Variants in DUSP7 observed in about 807,000 individuals in gnomAD.
DUSP7 encodes dual specificity phosphatase 7.
Under a neutral mutation model 29.8 loss-of-function variants are expected in DUSP7, and 7 were observed. The observed-to-expected ratio is 0.24, with a 90% CI of 0.13 to 0.44. The LOEUF is 0.44. Ranked by LOEUF, DUSP7 falls within the 20% of genes least tolerant of loss-of-function variation. The pLI is 1.00. For missense variants in DUSP7, 400 were observed against 583.7 expected (o/e 0.69, Z 3.24); for synonymous variants, 287 against 275.4 (o/e 1.04, Z -0.42).
rs937176242 is a variant in DUSP7, at chr3:52,050,957, T to A, written c.1118A>T (p.Asn373Ile). 6.2e-7 allele frequency: 1 copy of A among 1,614,256 alleles called. No individual in the cohort carries two copies. Among genetic ancestry groups the A allele is most frequent in the Non-Finnish European group, 8.5e-7 (1 of 1,180,046 alleles). Reference protein sequence around the residue: ...RKKSNISPNFNFMGQLLDFER... With the variant: ...RKKSNISPNFIFMGQLLDFER... ...AAAGTCCAGCAGCTGCCCCATGAAG[T>A]TGAAGTTGGGCGAGATGTTGGACTT... The change falls in exon 3 of 3, where the codon AAC becomes ATC. Residue 373 changes from asparagine (N) to isoleucine (I), a missense_variant. Around this residue, in one of 4 missense-constraint regions of DUSP7, gnomAD observed 75 missense variants for 95.0 expected, o/e 0.79. Coordinates refer to ENST00000495880, the MANE Select transcript of DUSP7 (RefSeq NM_001947.4). This position sits in a 1 kb window ranked among gnomAD's most constrained non-coding sequence, Gnocchi z 5.0.
chr3:52,054,224 C>A lies in DUSP7; in HGVS notation c.668G>T (p.Arg223Leu). Residue 223 changes from arginine (R) to leucine (L), a missense_variant, in exon 2 of 3, where the codon CGA becomes CTA. Around this residue, in one of 4 missense-constraint regions of DUSP7, gnomAD observed 223 missense variants for 360.9 expected, o/e 0.62. Coordinates refer to ENST00000495880, the MANE Select transcript of DUSP7 (RefSeq NM_001947.4). The surrounding 1 kb of genome is among the most constrained non-coding windows in gnomAD (Gnocchi z 4.1). ...CTCGGTGGCACTGCTGGGCAGCTCTCGGTCCGACTCGCCGTCGGAGCAGTC... is the reference window on the plus strand; with the variant it reads ...CTCGGTGGCACTGCTGGGCAGCTCTAGGTCCGACTCGCCGTCGGAGCAGTC... ...SSDCSDGESD[R>L]ELPSSATESD... The A allele has an allele frequency of 1.9e-6, 3 of 1,610,516 alleles. No individual in the cohort carries two copies. The highest frequency in any genetic ancestry group is 1.7e-6 in the Non-Finnish European group (2 of 1,177,506).
At position 52,049,760 on chromosome 3, in the gene DUSP7, GAGAA is replaced by G. The variant is rs2106889598; in HGVS notation, c.*1051_*1054del. 6.6e-6 allele frequency: 1 copy of G among 152,268 alleles called. No homozygotes were observed. The highest frequency in any genetic ancestry group is 2.1e-4 in the South Asian group (1 of 4,826). 9.4% of individuals were successfully genotyped at this position (152,268 alleles called of 1,614,324 possible). On this transcript the variant is annotated 3_prime_UTR_variant, in exon 3 of 3. Coordinates refer to ENST00000495880, the MANE Select transcript of DUSP7 (RefSeq NM_001947.4). ...AAAGAAAGAGAGAGAGAGGGAGAGAGAGAAAGAGAGAGAGGGAGAGGAAGAGAGA... is the reference window on the plus strand; with the variant it reads ...AAAGAAAGAGAGAGAGAGGGAGAGAGAGAGAGAGAGGGAGAGGAAGAGAGA...
At position 52,051,326 on chromosome 3, in the gene DUSP7, C is replaced by T. The variant is rs116223054; in HGVS notation, c.953-204G>A. ...GCACTGCTGTGGAGAGGGCTCTGCA[C>T]ACTTTAGCCCCAAGGCACTGGACAC... On this transcript the variant is annotated intron_variant, in intron 2 of 2. Transcript: ENST00000495880. This position sits in a 1 kb window ranked among gnomAD's most constrained non-coding sequence, Gnocchi z 4.8. 1.3e-5 allele frequency among the ~76,000 whole-genome samples: 2 copies of T among 152,358 alleles called. No individual in the cohort carries two copies. Among genetic ancestry groups the T allele is most frequent in the Admixed American group, 6.5e-5 (1 of 15,306 alleles).
intron 1 of DUSP7, 119 bp downstream of exon 1, chr3:52,055,731 G>C: frequency 7.8e-7 from 1 of 1,274,518 alleles, no homozygotes; most frequent in Non-Finnish European, 1.0e-6. Context: ...GCGGGCCGGG[G>C]ACGACGTGGC....
At position 52,050,859 on chromosome 3, in the gene DUSP7, T is replaced by C. The variant is rs1323243494; in HGVS notation, c.1216A>G (p.Thr406Ala). ...TTGAGTGGGAACAGGTTGTGGTTGGTGGGCGTGGAAAAGTAGAGCTGCTCA... is the reference window on the plus strand; with the variant it reads ...TTGAGTGGGAACAGGTTGTGGTTGGCGGGCGTGGAAAAGTAGAGCTGCTCA... ...SSEQLYFSTP[T>A]NHNLFPLNTL... Residue 406 changes from threonine (T) to alanine (A), a missense_variant, in exon 3 of 3, where the codon ACC becomes GCC. Physicochemically the swap from Thr to Ala is moderately conservative, Grantham distance 58. Around this residue, in one of 4 missense-constraint regions of DUSP7, gnomAD observed 75 missense variants for 95.0 expected, o/e 0.79. Transcript: ENST00000495880. The surrounding 1 kb of genome is among the most constrained non-coding windows in gnomAD (Gnocchi z 5.0). 6.2e-7 allele frequency: 1 copy of C among 1,614,000 alleles called. No homozygotes were observed. The highest frequency in any genetic ancestry group is 2.2e-5 in the East Asian group (1 of 44,880).
In DUSP7 at chr3:52,056,475, G is replaced by A. The variant is rs1215290790; in HGVS notation, c.-109C>T. On this transcript the variant is annotated 5_prime_UTR_variant, in exon 1 of 3. Coordinates refer to ENST00000495880, the MANE Select transcript of DUSP7 (RefSeq NM_001947.4). This position sits in a 1 kb window ranked among gnomAD's most constrained non-coding sequence, Gnocchi z 6.4. ...CCGGGCGCCCGCCTCCCGCCGAGCT[G>A]CGCGCCCGCCGCCCCGGCCTCCCGG... 1.9e-6 allele frequency: 1 copy of A among 515,504 alleles called. No homozygotes were observed. Among genetic ancestry groups the A allele is most frequent in the Non-Finnish European group, 2.5e-6 (1 of 403,302 alleles). The allele number at this position is 515,504 out of a possible 1,614,324, so 31.9% of individuals were successfully genotyped here. A position where few individuals can be genotyped will look rare whatever the true frequency, so the allele number is the denominator to read the frequency against.
chr3:52,053,434 T>C lies in DUSP7; in HGVS notation c.952+506A>G, dbSNP rs1701865327. 5.3e-6 allele frequency: 1 copy of C among 189,710 alleles called. No homozygotes were observed. The highest frequency in any genetic ancestry group is 1.1e-5 in the Non-Finnish European group (1 of 89,738). The allele number at this position is 189,710 out of a possible 1,614,324, so 11.8% of individuals were successfully genotyped here. On this transcript the variant is annotated intron_variant, in intron 2 of 2. Transcript: ENST00000495880. This position sits in a 1 kb window ranked among gnomAD's most constrained non-coding sequence, Gnocchi z 4.6. ...CTGCAGAGAGCATCTGGAGGCTGAC[T>C]GAGCTAGCAGTCACCACATTTCAAT...
chr3:52,052,996 C>T lies in DUSP7; in HGVS notation c.952+944G>A, dbSNP rs190682742. On this transcript the variant is annotated intron_variant, in intron 2 of 2. Coordinates refer to ENST00000495880, the MANE Select transcript of DUSP7 (RefSeq NM_001947.4). ...TTTGGTTCCCAGTAAGCGGATGAGGCGGGGAAGCCTCCCACTTCCTGTTGT... is the reference window on the plus strand; with the variant it reads ...TTTGGTTCCCAGTAAGCGGATGAGGTGGGGAAGCCTCCCACTTCCTGTTGT... The T allele has an allele frequency of 6.9e-3, 1,047 of 152,624 alleles. 7 individuals carry two copies. The highest frequency in any genetic ancestry group is 0.01 in the Non-Finnish European group (693 of 68,190). The allele number at this position is 152,624 out of a possible 1,614,324, so 9.5% of individuals were successfully genotyped here.
In DUSP7 at chr3:52,054,635, G is replaced by A. The variant is rs4687607; in HGVS notation, c.518-261C>T. 0.25 allele frequency among the ~76,000 whole-genome samples: 38,315 copies of A among 152,034 alleles called. 5,954 individuals carry two copies. Among genetic ancestry groups the A allele is most frequent in the East Asian group, 0.46 (2,355 of 5,170 alleles). ...TCCAAACTGGTACCCATAACACTTCGGGGCCCCCAGCCATGGCACCAGCTT... is the reference window on the plus strand; with the variant it reads ...TCCAAACTGGTACCCATAACACTTCAGGGCCCCCAGCCATGGCACCAGCTT... On this transcript the variant is annotated intron_variant, in intron 1 of 2. Transcript: ENST00000495880. The surrounding 1 kb of genome is among the most constrained non-coding windows in gnomAD (Gnocchi z 4.1).
rs1184812749 is a variant in DUSP7, at chr3:52,056,193, C to T, written c.174G>A (p.Glu58=). 6.4e-7 allele frequency: 1 copy of T among 1,562,536 alleles called. No individual in the cohort carries two copies. The highest frequency in any genetic ancestry group is 8.6e-7 in the Non-Finnish European group (1 of 1,161,436). ...GAGAMPCKSA[E]WLQEELEARG... is the part of the protein sequence containing the mutation. ...GCGCCTCCAGCTCCTCCTGCAGCCA[C>T]TCGGCGCTCTTGCAGGGCATGGCCC... Residue 58 remains glutamate (E), a synonymous_variant, in exon 1 of 3, where the codon GAG becomes GAA. Transcript: ENST00000495880. This position sits in a 1 kb window ranked among gnomAD's most constrained non-coding sequence, Gnocchi z 6.4.
rs777509635 is a variant in DUSP7, at chr3:52,053,848, C to T, written c.952+92G>A. ...TAGGGCACACACAGGTCTCAACAGG[C>T]CCAGAGGTACCCAGTCAGGCGGGGG... On this transcript the variant is annotated intron_variant, in intron 2 of 2. Transcript: ENST00000495880. This position sits in a 1 kb window ranked among gnomAD's most constrained non-coding sequence, Gnocchi z 4.6. 2.2e-5 allele frequency: 31 copies of T among 1,435,694 alleles called. 1 individual carries two copies. The East Asian group carries it at 6.5e-4, about 30-fold the overall frequency. The allele number at this position is 1,435,694 out of a possible 1,614,324, so 88.9% of individuals were successfully genotyped here.
rs1398629875 is a variant in DUSP7, at chr3:52,054,800, A to C, written c.518-426T>G. ...CTTAGCCAGCACCTCTGGGTTGGCAAACTCCTCTTATAGATGAGACCACAG... is the reference window on the plus strand; with the variant it reads ...CTTAGCCAGCACCTCTGGGTTGGCACACTCCTCTTATAGATGAGACCACAG... On this transcript the variant is annotated intron_variant, in intron 1 of 2. Transcript: ENST00000495880. This position sits in a 1 kb window ranked among gnomAD's most constrained non-coding sequence, Gnocchi z 4.1. 6.6e-6 allele frequency among the ~76,000 whole-genome samples: 1 copy of C among 152,240 alleles called. No homozygotes were observed. The highest frequency in any genetic ancestry group is 1.5e-5 in the Non-Finnish European group (1 of 68,032).
At position 52,049,306 on chromosome 3, in the gene DUSP7, C is replaced by G. The variant is rs1423037172; in HGVS notation, c.*1509G>C. 6.6e-6 allele frequency: 1 copy of G among 152,262 alleles called. No individual in the cohort carries two copies. Among genetic ancestry groups the G allele is most frequent in the African/African-American group, 2.4e-5 (1 of 41,446 alleles). The allele number at this position is 152,262 out of a possible 1,614,324, so 9.4% of individuals were successfully genotyped here. A position where few individuals can be genotyped will look rare whatever the true frequency, so the allele number is the denominator to read the frequency against. Reference sequence around the variant, plus strand: ...TGCTGAGTGCTGCTCCGTCAGGGACCCTGGCCTGACTCCTCTGCCTGCCCC... The same window carrying G: ...TGCTGAGTGCTGCTCCGTCAGGGACGCTGGCCTGACTCCTCTGCCTGCCCC... On this transcript the variant is annotated 3_prime_UTR_variant, in exon 3 of 3. Coordinates refer to ENST00000495880, the MANE Select transcript of DUSP7 (RefSeq NM_001947.4).
Position 52,051,397 on chromosome 3 carries a change from T to C in DUSP7, c.953-275A>G, listed in dbSNP as rs1371447835. ...ATAAAATGGGCCTATTTATGCACAG[T>C]GGTCTCATAAGGACCTGAGCCAAGT... On this transcript the variant is annotated intron_variant, in intron 2 of 2. Coordinates refer to ENST00000495880, the MANE Select transcript of DUSP7 (RefSeq NM_001947.4). This position sits in a 1 kb window ranked among gnomAD's most constrained non-coding sequence, Gnocchi z 4.8. Among the ~76,000 whole-genome samples the C allele has an allele frequency of 6.6e-6, 1 of 152,204 alleles. No individual in the cohort carries two copies. Among genetic ancestry groups the C allele is most frequent in the Non-Finnish European group, 1.5e-5 (1 of 68,030 alleles).
rs553815117 is a variant in DUSP7 at position 52,056,274 on chromosome 3, G to T, written c.93C>A (p.Pro31=). 4 of 1,266,982 alleles carry T rather than the reference G, an allele frequency of 3.2e-6. No individual in the cohort carries two copies. The African/African-American group carries it at 6.3e-5, about 20-fold the overall frequency. 78.5% of individuals were successfully genotyped at this position (1,266,982 alleles called of 1,614,324 possible). ...CTGCGCCGGACCCCGACCCCGCACCGGGCTCGGACCCCGCCCGGGTGCCCC... is the reference window on the plus strand; with the variant it reads ...CTGCGCCGGACCCCGACCCCGCACCTGGCTCGGACCCCGCCCGGGTGCCCC... ...AAGGTRAGSE[P]GAGSGSGAGT... The change falls in exon 1 of 3, where the codon CCC becomes CCA. Residue 31 remains proline (P), a synonymous_variant. Transcript: ENST00000495880. This position sits in a 1 kb window ranked among gnomAD's most constrained non-coding sequence, Gnocchi z 6.4.
chr3:52,050,860 G>T lies in DUSP7; in HGVS notation c.1215C>A (p.Pro405=). 3 of 1,614,104 alleles carry T rather than the reference G, an allele frequency of 1.9e-6. No homozygotes were observed. In the South Asian group the frequency reaches 3.3e-5, roughly 18 times the overall value. The change falls in exon 3 of 3, where the codon CCC becomes CCA. Residue 405 remains proline, a synonymous_variant. Coordinates refer to ENST00000495880, the MANE Select transcript of DUSP7 (RefSeq NM_001947.4). This position sits in a 1 kb window ranked among gnomAD's most constrained non-coding sequence, Gnocchi z 5.0. ...ASSEQLYFST[P]TNHNLFPLNT... ...TGAGTGGGAACAGGTTGTGGTTGGT[G>T]GGCGTGGAAAAGTAGAGCTGCTCAC...
At position 52,056,562 on chromosome 3, in the gene DUSP7, C is replaced by A; in HGVS notation, c.-196G>T. 1 of 162,818 alleles carries A rather than the reference C, an allele frequency of 6.1e-6. No homozygotes were observed. The highest frequency in any genetic ancestry group is 1.9e-4 in the South Asian group (1 of 5,138). The allele number at this position is 162,818 out of a possible 1,614,324, so 10.1% of individuals were successfully genotyped here. ...CCGCGCGCACCGCGGCCTGACAGCCCCAATTAAACGGCGGCTCCGGCGGCC... is the reference window on the plus strand; with the variant it reads ...CCGCGCGCACCGCGGCCTGACAGCCACAATTAAACGGCGGCTCCGGCGGCC... On this transcript the variant is annotated 5_prime_UTR_variant, in exon 1 of 3. Transcript: ENST00000495880. This position sits in a 1 kb window ranked among gnomAD's most constrained non-coding sequence, Gnocchi z 6.4.
rs1361748107 is a variant in DUSP7 at position 52,050,791 on chromosome 3, G to C, written c.*24C>G. On this transcript the variant is annotated 3_prime_UTR_variant, in exon 3 of 3. Coordinates refer to ENST00000495880, the MANE Select transcript of DUSP7 (RefSeq NM_001947.4). The surrounding 1 kb of genome is among the most constrained non-coding windows in gnomAD (Gnocchi z 5.0). ...GTGGAGAGCCGAGCAGGGGCCTGGT[G>C]CCATGCCCCCCGTGCACCAGGCCTC... The C allele has an allele frequency of 6.3e-7, 1 of 1,597,902 alleles. No individual in the cohort carries two copies. Among genetic ancestry groups the C allele is most frequent in the Admixed American group, 1.7e-5 (1 of 59,268 alleles).
rs1267710572 is a variant in DUSP7, at chr3:52,053,618, G to A, written c.952+322C>T. The stretch of plus-strand genomic sequence containing the variant: ...AGTGAGACCCGTGGGAGGTCTGTGC[G>A]CTGTGATGTTTCAGCTTGCTAAGCC... On this transcript the variant is annotated intron_variant, in intron 2 of 2. Transcript: ENST00000495880. The surrounding 1 kb of genome is among the most constrained non-coding windows in gnomAD (Gnocchi z 4.6). 7 of 389,698 alleles carry A rather than the reference G, an allele frequency of 1.8e-5. No homozygotes were observed. In the East Asian group the frequency reaches 2.2e-4, roughly 12 times the overall value. The allele number at this position is 389,698 out of a possible 1,614,324, so 24.1% of individuals were successfully genotyped here.
Sources: allele counts gnomAD v4.1 joint callset (sites outside exome capture counted in the v4.1 genomes callset), GRCh38; gene constraint gnomAD v4.1.1; regional missense constraint gnomAD v4.1.1; non-coding constraint Gnocchi (gnomAD v3.1); transcripts MANE v1.5; gene names NCBI Gene and HGNC (gene_info 2026-07-23, HGNC 2026-07-21).